Variants in PPP2R1B observed in about 807,000 individuals in gnomAD.
The protein encoded by PPP2R1B is protein phosphatase 2 scaffold subunit Abeta.
PPP2R1B carries 58 observed loss-of-function variants against 72.7 expected under a neutral mutation model. The ratio of observed to expected loss-of-function variants is 0.80; its 90% CI spans 0.65 to 0.99. The LOEUF is 0.99. PPP2R1B is among the 50% of genes least tolerant of loss of function. The probability of loss-of-function intolerance (pLI) is 0.00; values close to 1 mark genes in which losing one functional copy is unlikely to be tolerated. For missense variants in PPP2R1B, 695 were observed against 733.6 expected, an observed-to-expected ratio of 0.95 and a Z score of 0.61; for synonymous variants, 256 against 264.6, an observed-to-expected ratio of 0.97 and a Z score of 0.32.
Position 111,740,765 on chromosome 11 carries a change from T to C in PPP2R1B, c.*831A>G, listed in dbSNP as rs1456151434. The stretch of plus-strand genomic sequence containing the variant: ...TAAAGAACAGGAAATCTGCACAGTA[T>C]TATCCCTGTGGTTCTTAGACTCATT... On this transcript the variant is annotated 3_prime_UTR_variant, in exon 15 of 15. Transcript: ENST00000527614. 3.0e-6 allele frequency: 3 copies of C among 985,318 alleles called. No individual in the cohort carries two copies. The highest frequency in any genetic ancestry group is 3.5e-5 in the African/African-American group (2 of 57,246). 61.0% of individuals were successfully genotyped at this position (985,318 alleles called of 1,614,324 possible). A position where few individuals can be genotyped will look rare whatever the true frequency, so the allele number is the denominator to read the frequency against.
At chr11:111,722,763 A>G (rs569931219), downstream of PPP2R1B, 35 of 1,612,578 alleles carry the variant, frequency 2.2e-5, no homozygotes, top group South Asian at 3.7e-4. The surrounding 1 kb of genome is among the most constrained non-coding windows in gnomAD (Gnocchi z 4.4). Context: ...ATAGGTGAGA[A>G]GGGGACTTTG....
chr11:111,764,981 A>C, intron 2 of PPP2R1B, 76 bp from the exon 3 acceptor site: 1 of 1,569,278 alleles, frequency 6.4e-7, no homozygotes, highest in Admixed American at 1.9e-5. Context: ...AACTAGGAAC[A>C]GATTCACTAT....
rs782198093 is a variant in PPP2R1B, at chr11:111,754,492, G to C, written c.1029+7C>G. On this transcript the variant is annotated splice_region_variant and intron_variant, in intron 8 of 14. Coordinates refer to ENST00000527614, the MANE Select transcript of PPP2R1B (RefSeq NM_002716.5). ...AAGAGAGTGAAACAAAATAAAGTCA[G>C]GTTTACCTTTATATAAGGCAGAATT... 6.3e-7 allele frequency: 1 copy of C among 1,593,966 alleles called. No individual in the cohort carries two copies. The highest frequency in any genetic ancestry group is 8.5e-7 in the Non-Finnish European group (1 of 1,174,944).
downstream of PPP2R1B, chr11:111,725,150 T>C (rs1184693228): frequency 6.5e-6 from 1 of 152,700 alleles, no homozygotes; most frequent in Admixed American, 6.5e-5. Context: ...TTCTGTCCCA[T>C]GTGAAGTGGT....
intron 15 of PPP2R1B, chr11:111,730,874 T>C (rs1417494035): frequency 6.6e-6 from 1 of 152,210 alleles, no homozygotes; most frequent in African/African-American, 2.4e-5. Context: ...GATGTGAATG[T>C]CAGGTTAATG....
In PPP2R1B at chr11:111,748,097, C is replaced by G. The variant is rs911932336; in HGVS notation, c.1339-83G>C. 3 of 1,289,110 alleles carry G rather than the reference C, an allele frequency of 2.3e-6. No individual in the cohort carries two copies. The African/African-American group carries it at 4.5e-5, about 19-fold the overall frequency. The allele number at this position is 1,289,110 out of a possible 1,614,324, so 79.9% of individuals were successfully genotyped here. A position where few individuals can be genotyped will look rare whatever the true frequency, so the allele number is the denominator to read the frequency against. ...TCTATTTACATTACACCAAGGTTAC[C>G]TGAAGGCTAAAAAAACTTGTTTCCA... On this transcript the variant is annotated intron_variant, in intron 10 of 14. Coordinates refer to ENST00000527614, the MANE Select transcript of PPP2R1B (RefSeq NM_002716.5).
At chr11:111,759,392 C>T (rs1173447767) in intron 5 of PPP2R1B, among the ~76,000 whole-genome samples, 1 of 152,172 alleles carries the variant, frequency 6.6e-6, no homozygotes, top group African/African-American at 2.4e-5. Flanking sequence ...CCATACACTA[C>T]TATAGAAGAA....
intron 3 of PPP2R1B, among the ~76,000 whole-genome samples, chr11:111,762,064 G>A (rs1945348757): frequency 6.6e-6 from 1 of 152,178 alleles, no homozygotes; most frequent in Non-Finnish European, 1.5e-5. Flanking sequence ...AGCAGTAACT[G>A]AATATGGCAT....
chr11:111,740,789 T>C lies in PPP2R1B; in HGVS notation c.*807A>G, dbSNP rs897870132. On this transcript the variant is annotated 3_prime_UTR_variant, in exon 15 of 15. Transcript: ENST00000527614. Reference sequence around the variant, plus strand: ...ATTATCCCTGTGGTTCTTAGACTCATTCGAAATACAGAACTGCAATCTCAC... The same window carrying C: ...ATTATCCCTGTGGTTCTTAGACTCACTCGAAATACAGAACTGCAATCTCAC... The C allele has an allele frequency of 1.1e-5, 11 of 985,302 alleles. No individual in the cohort carries two copies. In the Admixed American group the frequency reaches 6.8e-4, roughly 61 times the overall value. The allele number at this position is 985,302 out of a possible 1,614,324, so 61.0% of individuals were successfully genotyped here. A position where few individuals can be genotyped will look rare whatever the true frequency, so the allele number is the denominator to read the frequency against.
the PPP2R1B span, chr11:111,721,697 A>T: frequency 1.7e-6 from 1 of 583,878 alleles, no homozygotes; most frequent in Non-Finnish European, 3.0e-6. Flanking sequence ...CTGGCTCTGT[A>T]AAAGCTTTGA....
rs952886198 is a variant in PPP2R1B, at chr11:111,739,269, C to G, written c.*2327G>C. 1 of 971,888 alleles carries G rather than the reference C, an allele frequency of 1.0e-6. No homozygotes were observed. Among genetic ancestry groups the G allele is most frequent in the African/African-American group, 1.8e-5 (1 of 56,842 alleles). The allele number at this position is 971,888 out of a possible 1,614,324, so 60.2% of individuals were successfully genotyped here. ...GTAGAAGATAAAACAGACAAAAATA[C>G]CAGCCTTACAGAGCTCCTAAAGCCT... is the stretch of plus-strand genomic sequence containing the variant. On this transcript the variant is annotated 3_prime_UTR_variant, in exon 15 of 15. Transcript: ENST00000527614.
the PPP2R1B span, among the ~76,000 whole-genome samples, chr11:111,715,542 C>G: frequency 1.3e-5 from 2 of 152,114 alleles, no homozygotes; most frequent in East Asian, 3.8e-4. Flanking sequence ...AGTAAAATCC[C>G]TTGGGGAGTC....
chr11:111,748,110 A>C (rs1327034564), intron 10 of PPP2R1B, 96 bp from the exon 11 acceptor site: 2 of 1,107,032 alleles, frequency 1.8e-6, no homozygotes, highest in Non-Finnish European at 2.6e-6. Context: ...AAGGCTAAAA[A>C]AACTTGTTTC....
chr11:111,731,168 G>A (rs941971485), intron 15 of PPP2R1B, among the ~76,000 whole-genome samples: 1 of 152,254 alleles, frequency 6.6e-6, no homozygotes, highest in Non-Finnish European at 1.5e-5. Context: ...GAGTCCCAGG[G>A]CAAAGCGCAT....
At chr11:111,756,622 A>C (rs1945130357) in intron 5 of PPP2R1B, among the ~76,000 whole-genome samples, 1 of 152,238 alleles carries the variant, frequency 6.6e-6, no homozygotes. Flanking sequence ...CAGAACAATT[A>C]AAAGTTAGAA....
In PPP2R1B at chr11:111,753,591, G is replaced by T; in HGVS notation, c.1030-14C>A. 6.3e-7 allele frequency: 1 copy of T among 1,593,852 alleles called. No individual in the cohort carries two copies. Among genetic ancestry groups the T allele is most frequent in the South Asian group, 1.1e-5 (1 of 87,604 alleles). ...GGATACTAATTCCTAAAATAAAATC[G>T]AAATTAAAAGCCTTTATTACAAGAC... On this transcript the variant is annotated splice_polypyrimidine_tract_variant and intron_variant, in intron 8 of 14. Transcript: ENST00000527614.
intron 15 of PPP2R1B, among the ~76,000 whole-genome samples, chr11:111,731,549 C>T (rs1388563024): frequency 6.6e-6 from 1 of 152,270 alleles, no homozygotes; most frequent in African/African-American, 2.4e-5. Context: ...AGCTTGCTGG[C>T]AGCAGGATCT....
Position 111,738,634 on chromosome 11 carries a change from G to A in PPP2R1B, c.*2962C>T, listed in dbSNP as rs1944413363. ...CTCTGCATCACAGTGGCTGAGCTGT[G>A]GTATTTCTGTGAGCTGAGGGCAGCC... is the stretch of plus-strand genomic sequence containing the variant. On this transcript the variant is annotated 3_prime_UTR_variant, in exon 15 of 15. Transcript: ENST00000527614. 1 of 985,328 alleles carries A rather than the reference G, an allele frequency of 1.0e-6. No homozygotes were observed. Among genetic ancestry groups the A allele is most frequent in the Non-Finnish European group, 1.2e-6 (1 of 829,906 alleles). 61.0% of individuals were successfully genotyped at this position (985,328 alleles called of 1,614,324 possible).
chr11:111,755,468 C>T lies in PPP2R1B; in HGVS notation c.688-18G>A. On this transcript the variant is annotated intron_variant, in intron 5 of 14. Coordinates refer to ENST00000527614, the MANE Select transcript of PPP2R1B (RefSeq NM_002716.5). ...ACTGAATCCTAAAGGAACAAAATTT[C>T]TGTAATTCAGACATTTACTGAGACC... 6.3e-7 allele frequency: 1 copy of T among 1,587,976 alleles called. No individual in the cohort carries two copies. Among genetic ancestry groups the T allele is most frequent in the Non-Finnish European group, 8.5e-7 (1 of 1,171,532 alleles).
Sources: allele counts gnomAD v4.1 joint callset (sites outside exome capture counted in the v4.1 genomes callset), GRCh38; gene constraint gnomAD v4.1.1; non-coding constraint Gnocchi (gnomAD v3.1); transcripts MANE v1.5; gene names NCBI Gene and HGNC (gene_info 2026-07-23, HGNC 2026-07-21).